The following B3GALNT2 variants were observed in gnomAD, a reference collection of about 807,000 sequenced individuals.
B3GALNT2 encodes the protein UDP-GalNAc:beta-1,3-N-acetylgalactosaminyltransferase 2.
In B3GALNT2, 53 loss-of-function variants were observed where a neutral mutation model predicts 61.1. That is an observed-to-expected ratio of 0.87 (90% confidence interval 0.70 to 1.09). B3GALNT2 has a LOEUF of 1.09. B3GALNT2 is among the 50% of genes least tolerant of loss of function. The probability of loss-of-function intolerance (pLI) is 0.00; values close to 1 mark genes in which losing one functional copy is unlikely to be tolerated. For synonymous variants in B3GALNT2, 223 were observed against 237.4 expected (o/e 0.94, Z 0.56); for missense variants, 544 against 623.0 (o/e 0.87, Z 1.35).
At chr1:235,442,274 G>A (rs1037841793), downstream of B3GALNT2, among the ~76,000 whole-genome samples, 13 of 152,130 alleles carry the variant, frequency 8.5e-5, no homozygotes, top group African/African-American at 2.9e-4. Flanking sequence ...GGGTTCAAGC[G>A]ATTTTCGTGC....
intron 5 of B3GALNT2, among the ~76,000 whole-genome samples, chr1:235,477,384 A>T (rs1316627102): frequency 6.6e-6 from 1 of 152,188 alleles, no homozygotes; most frequent in Non-Finnish European, 1.5e-5. Flanking sequence ...TGTATTTCCT[A>T]AGAACAAGGA....
At chr1:235,491,069 T>C (rs1426265421) in intron 2 of B3GALNT2, among the ~76,000 whole-genome samples, 1 of 148,020 alleles carries the variant, frequency 6.8e-6, no homozygotes, top group African/African-American at 2.5e-5. Context: ...CTATAGCCAC[T>C]ACAGAGTGAA....
chr1:235,441,774 C>A, the B3GALNT2 span: 261 of 1,571,284 alleles, frequency 1.7e-4, 1 homozygote, highest in African/African-American at 3.3e-3. Flanking sequence ...CTTATAGTGG[C>A]CTTTGGTTTA....
rs1683288441 is a variant in B3GALNT2 at position 235,458,846 on chromosome 1, T to C, written c.842-60A>G. ...CTGTTGTAAAGTTACCATTCAGAACTGATGATGTACACTAAAGTTCTTTTC... is the reference window on the plus strand; with the variant it reads ...CTGTTGTAAAGTTACCATTCAGAACCGATGATGTACACTAAAGTTCTTTTC... On this transcript the variant is annotated intron_variant, in intron 7 of 11. Coordinates refer to ENST00000366600, the MANE Select transcript of B3GALNT2 (RefSeq NM_152490.5). 5.7e-6 allele frequency: 8 copies of C among 1,405,524 alleles called. No individual in the cohort carries two copies. The South Asian group carries it at 1.2e-4, about 22-fold the overall frequency. 87.1% of individuals were successfully genotyped at this position (1,405,524 alleles called of 1,614,324 possible).
Position 235,450,013 on chromosome 1 carries a change from A to G in B3GALNT2, c.*193T>C, listed in dbSNP as rs1368212423. The G allele has an allele frequency of 1.9e-6, 1 of 529,116 alleles. No homozygotes were observed. 32.8% of individuals were successfully genotyped at this position (529,116 alleles called of 1,614,324 possible). On this transcript the variant is annotated 3_prime_UTR_variant, in exon 12 of 12. Transcript: ENST00000366600. ...GATAAATAAAAACTTTTCTTATGCT[A>G]CAGTACAAGTTGATTTTTAAGGAAA...
intron 1 of B3GALNT2, among the ~76,000 whole-genome samples, chr1:235,499,023 A>G (rs1685465415): frequency 6.6e-6 from 1 of 152,174 alleles, no homozygotes; most frequent in South Asian, 2.1e-4. Flanking sequence ...TGATACACTC[A>G]GAAGATCTTT....
At position 235,448,240 on chromosome 1, in the gene B3GALNT2, A is replaced by AT; in HGVS notation, c.*1965_*1966insA. 1 of 813,600 alleles carries AT rather than the reference A, an allele frequency of 1.2e-6. No individual in the cohort carries two copies. Among genetic ancestry groups the AT allele is most frequent in the Non-Finnish European group, 2.0e-6 (1 of 495,406 alleles). 50.4% of individuals were successfully genotyped at this position (813,600 alleles called of 1,614,324 possible). On this transcript the variant is annotated 3_prime_UTR_variant, in exon 12 of 12. Transcript: ENST00000366600. ...AGTCTCAAAAAAAAAAAAAAAAAAAAGACAGATACAGCTATCATTGCAATG... is the reference window on the plus strand; with the variant it reads ...AGTCTCAAAAAAAAAAAAAAAAAAAATGACAGATACAGCTATCATTGCAATG...
chr1:235,465,748 T>C (rs1172260363), intron 6 of B3GALNT2, 34 bp from the exon 7 acceptor site: 2 of 1,601,080 alleles, frequency 1.2e-6, no homozygotes, highest in Non-Finnish European at 1.7e-6. Context: ...AGTGATTCAT[T>C]ACTAAAAATA....
intron 1 of B3GALNT2, among the ~76,000 whole-genome samples, chr1:235,503,421 A>G (rs907778874): frequency 2.0e-5 from 3 of 152,266 alleles, no homozygotes; most frequent in Non-Finnish European, 2.9e-5. Context: ...ACGCGAAACA[A>G]GAACAAAGGT....
chr1:235,476,395 A>G (rs1684281003), intron 5 of B3GALNT2, among the ~76,000 whole-genome samples: 1 of 151,984 alleles, frequency 6.6e-6, no homozygotes. Context: ...TGGGTGACAG[A>G]GCGAGACTCC....
rs985833833 is a variant in B3GALNT2, at chr1:235,447,662, G to GTAAT, written c.*2540_*2543dup. 6.6e-6 allele frequency among the ~76,000 whole-genome samples: 1 copy of GTAAT among 152,144 alleles called. No homozygotes were observed. The highest frequency in any genetic ancestry group is 1.5e-5 in the Non-Finnish European group (1 of 68,032). On this transcript the variant is annotated 3_prime_UTR_variant, in exon 12 of 12. Transcript: ENST00000366600. ...TGAGTCCCATTCCAGTGTTCGTTCA[G>GTAAT]TAATTCATAAGGAAGTCATCATAAA... is the stretch of plus-strand genomic sequence containing the variant.
At position 235,495,128 on chromosome 1, in the gene B3GALNT2, T is replaced by TA. The variant is rs894074964; in HGVS notation, c.113-301dup. Among the ~76,000 whole-genome samples, 11 of 152,180 alleles carry TA rather than the reference T, an allele frequency of 7.2e-5. No homozygotes were observed. The South Asian group carries it at 1.9e-3, about 26-fold the overall frequency. On this transcript the variant is annotated intron_variant, in intron 1 of 11. Coordinates refer to ENST00000366600, the MANE Select transcript of B3GALNT2 (RefSeq NM_152490.5). ...ATCTGTTTCAAAAGGCAACGTAGCA[T>TA]AAAAAAATAGTAGGCATTAAGAGTC...
In B3GALNT2 at chr1:235,465,732, G is replaced by A; in HGVS notation, c.763-18C>T. The A allele has an allele frequency of 6.2e-7, 1 of 1,609,532 alleles. No individual in the cohort carries two copies. The highest frequency in any genetic ancestry group is 8.5e-7 in the Non-Finnish European group (1 of 1,178,636). On this transcript the variant is annotated intron_variant, in intron 6 of 11. Coordinates refer to ENST00000366600, the MANE Select transcript of B3GALNT2 (RefSeq NM_152490.5). The stretch of plus-strand genomic sequence containing the variant: ...TCCCCAGCCTGAAAGGAATAAGAAT[G>A]TACTCAGTGATTCATTACTAAAAAT...
downstream of B3GALNT2, among the ~76,000 whole-genome samples, chr1:235,444,369 G>C (rs1682101771): frequency 1.3e-5 from 2 of 152,200 alleles, no homozygotes; most frequent in Non-Finnish European, 2.9e-5. Flanking sequence ...GGTGGAGACA[G>C]ACTAGTCAAA....
At chr1:235,460,378 A>T (rs1683365086) in intron 7 of B3GALNT2, among the ~76,000 whole-genome samples, 1 of 151,020 alleles carries the variant, frequency 6.6e-6, no homozygotes. Context: ...TCCTAACCTC[A>T]GGTGATCCAC....
At chr1:235,467,236 C>T (rs375311189) in intron 6 of B3GALNT2, among the ~76,000 whole-genome samples, 20 of 152,208 alleles carry the variant, frequency 1.3e-4, no homozygotes, top group African/African-American at 4.6e-4. Flanking sequence ...ATAATCCCAG[C>T]TACTCTGGAG....
At chr1:235,450,375 G>C (rs1232271406) in intron 11 of B3GALNT2, 35 bp from the exon 12 acceptor site, 2 of 1,609,480 alleles carry the variant, frequency 1.2e-6, no homozygotes, top group South Asian at 2.2e-5. Flanking sequence ...TCTGAGAGTG[G>C]TGAAACTGTT....
At chr1:235,440,221 T>C in the B3GALNT2 span, among the ~76,000 whole-genome samples, 124 of 152,076 alleles carry the variant, frequency 8.2e-4, no homozygotes, top group Non-Finnish European at 1.2e-3. Context: ...CCACCCACCT[T>C]GGCCTCCCAG....
At chr1:235,442,567 T>C (rs1314677554), downstream of B3GALNT2, among the ~76,000 whole-genome samples, 2 of 152,234 alleles carry the variant, frequency 1.3e-5, no homozygotes, top group East Asian at 3.8e-4. Flanking sequence ...GTGGGAGGTA[T>C]TGGAGTTGTG....
Sources: gnomAD v4.1 joint callset for allele counts (sites outside exome capture counted in the v4.1 genomes callset) on GRCh38, gnomAD v4.1.1 for gene constraint, MANE v1.5 for transcripts, NCBI Gene and HGNC (gene_info 2026-07-23, HGNC 2026-07-21) for gene names.